The following MDGA2 variants were observed in gnomAD, a reference collection of about 807,000 sequenced individuals.
The protein encoded by MDGA2 is MAM domain containing glycosylphosphatidylinositol anchor 2.
In MDGA2, 40 loss-of-function variants were observed where a neutral mutation model predicts 117.8. That is an observed-to-expected ratio of 0.34 (90% confidence interval 0.26 to 0.44). The LOEUF (loss-of-function observed/expected upper bound fraction) is 0.44, where lower values mean the gene tolerates loss of function less well. Among genes scored for constraint, MDGA2 ranks in the 20% least tolerant of loss-of-function variants. The pLI, the probability that MDGA2 is intolerant of heterozygous loss-of-function variation, is 1.00. For synonymous variants in MDGA2, 452 were observed against 439.0 expected (o/e 1.03, Z -0.37); for missense variants, 1,123 against 1,250.6 (o/e 0.90, Z 1.54).
At chr14:47,281,526 G>A (rs1426585416) in intron 2 of MDGA2, among the ~76,000 whole-genome samples, 1 of 152,112 alleles carries the variant, frequency 6.6e-6, no homozygotes, top group Non-Finnish European at 1.5e-5. Flanking sequence ...CTTATCAAGA[G>A]GCACGTAGAG....
chr14:47,354,413 C>T (rs1377931734), intron 1 of MDGA2, among the ~76,000 whole-genome samples: 1 of 152,110 alleles, frequency 6.6e-6, no homozygotes, highest in Non-Finnish European at 1.5e-5. Context: ...ACAGTCAGAT[C>T]CAGAGATGCC....
intron 6 of MDGA2, among the ~76,000 whole-genome samples, chr14:47,082,258 T>G (rs1890734267): frequency 6.6e-6 from 1 of 151,886 alleles, no homozygotes; most frequent in Admixed American, 6.6e-5. Context: ...CAATGAGATT[T>G]TTTTAAGTCC....
At chr14:47,224,581 G>C (rs1049920138) in intron 2 of MDGA2, among the ~76,000 whole-genome samples, 2 of 152,144 alleles carry the variant, frequency 1.3e-5, no homozygotes, top group African/African-American at 4.8e-5. Flanking sequence ...AGTTCAGCCA[G>C]ATGTACTCAT....
chr14:47,184,852 T>C (rs1884848647), intron 3 of MDGA2, among the ~76,000 whole-genome samples: 1 of 151,610 alleles, frequency 6.6e-6, no homozygotes, highest in African/African-American at 2.4e-5. Flanking sequence ...ATGTTTAACA[T>C]ATAAGGTTGA....
At chr14:47,289,224 G>A (rs1888792216) in intron 2 of MDGA2, among the ~76,000 whole-genome samples, 1 of 151,122 alleles carries the variant, frequency 6.6e-6, no homozygotes, top group Non-Finnish European at 1.5e-5. Context: ...ACCACAAGTA[G>A]ATTGCTACTA....
intron 1 of MDGA2, among the ~76,000 whole-genome samples, chr14:47,516,160 A>G (rs1436664633): frequency 3.9e-5 from 6 of 152,150 alleles, no homozygotes; most frequent in African/African-American, 2.4e-5. Context: ...CCCTGTTTGC[A>G]TATTCATCAG....
intron 2 of MDGA2, among the ~76,000 whole-genome samples, chr14:47,241,024 A>G (rs914689916): frequency 3.3e-5 from 5 of 151,870 alleles, no homozygotes; most frequent in African/African-American, 9.7e-5. Flanking sequence ...CTTGCTCCAG[A>G]TATGTTTGTT....
At chr14:47,370,732 C>G (rs538854960) in intron 1 of MDGA2, among the ~76,000 whole-genome samples, 65 of 151,278 alleles carry the variant, frequency 4.3e-4, no homozygotes, top group African/African-American at 1.5e-3. Flanking sequence ...TCTCTGTAAA[C>G]CACCCCTTAT....
chr14:47,351,078 A>ATATTTTTTTT (rs1890868114), intron 1 of MDGA2, among the ~76,000 whole-genome samples: 2 of 127,948 alleles, frequency 1.6e-5, no homozygotes, highest in South Asian at 5.6e-4. Context: ...GGCCCGGCTA[A>ATATTTTTTTT]TTTTTTTTTT....
At chr14:47,613,933 C>T (rs1335138778) in intron 1 of MDGA2, among the ~76,000 whole-genome samples, 1 of 151,942 alleles carries the variant, frequency 6.6e-6, no homozygotes, top group Non-Finnish European at 1.5e-5. Context: ...TACTATGTAG[C>T]TCTATTGGAG....
intron 2 of MDGA2, among the ~76,000 whole-genome samples, chr14:47,242,592 T>C (rs974965964): frequency 6.6e-5 from 10 of 151,764 alleles, no homozygotes; most frequent in Non-Finnish European, 3.0e-5. Context: ...CCCGGGCCAG[T>C]GGCTGCGGAG....
At chr14:46,892,589 T>G (rs1467996786) in intron 10 of MDGA2, among the ~76,000 whole-genome samples, 2 of 151,954 alleles carry the variant, frequency 1.3e-5, no homozygotes, top group African/African-American at 4.8e-5. Flanking sequence ...GTAAAAATCA[T>G]GTGTGAACCA....
intron 1 of MDGA2, among the ~76,000 whole-genome samples, chr14:47,336,916 T>C (rs138840249): frequency 6.0e-4 from 91 of 152,172 alleles, no homozygotes; most frequent in Middle Eastern, 3.4e-3. Context: ...ACATGTTCAA[T>C]GTATGCTTAA....
intron 1 of MDGA2, among the ~76,000 whole-genome samples, chr14:47,570,457 GATA>G (rs1895998320): frequency 6.6e-6 from 1 of 152,042 alleles, no homozygotes; most frequent in Non-Finnish European, 1.5e-5. Flanking sequence ...GCAAAATGAG[GATA>G]ATAATTTTCC....
At chr14:47,414,897 T>G (rs1160192225) in intron 1 of MDGA2, among the ~76,000 whole-genome samples, 4 of 152,056 alleles carry the variant, frequency 2.6e-5, no homozygotes, top group Admixed American at 2.6e-4. Flanking sequence ...TTACTAACAC[T>G]GTAAAGATTT....
chr14:47,621,008 A>G (rs1008413635), intron 1 of MDGA2, among the ~76,000 whole-genome samples: 14 of 152,150 alleles, frequency 9.2e-5, no homozygotes, highest in Non-Finnish European at 1.9e-4. Context: ...CTTCAACATA[A>G]CAAATATTTG....
intron 10 of MDGA2, among the ~76,000 whole-genome samples, chr14:46,897,593 G>C (rs1324620467): frequency 6.6e-6 from 1 of 151,838 alleles, no homozygotes; most frequent in Non-Finnish European, 1.5e-5. Context: ...CTGCCTCATT[G>C]AGTTATTCTG....
chr14:47,564,265 C>A (rs981272295), intron 1 of MDGA2, among the ~76,000 whole-genome samples: 2 of 152,044 alleles, frequency 1.3e-5, no homozygotes, highest in South Asian at 4.2e-4. Context: ...CACATGGGTT[C>A]TCTGCATTTT....
chr14:47,143,198 C>A (rs1157399281), intron 4 of MDGA2, among the ~76,000 whole-genome samples: 1 of 152,130 alleles, frequency 6.6e-6, no homozygotes, highest in Admixed American at 6.5e-5. Flanking sequence ...TGGCCAGGAT[C>A]ATCTCAATCT....
Sources: gnomAD v4.1 joint callset for allele counts (sites outside exome capture counted in the v4.1 genomes callset) on GRCh38, gnomAD v4.1.1 for gene constraint, MANE v1.5 for transcripts, NCBI Gene and HGNC (gene_info 2026-07-23, HGNC 2026-07-21) for gene names.